PDE4D: variants seen among roughly 807,000 people sequenced by gnomAD.
The protein encoded by PDE4D is 3',5'-cyclic-AMP phosphodiesterase 4D.
Under a neutral mutation model 87.4 loss-of-function variants are expected in PDE4D, and 24 were observed. The ratio of observed to expected loss-of-function variants is 0.27; its 90% CI spans 0.20 to 0.39. The LOEUF is 0.39. PDE4D is among the 10% of genes least tolerant of loss of function. The pLI is 1.00. For synonymous variants in PDE4D, 384 were observed against 383.2 expected, an observed-to-expected ratio of 1.00 and a Z score of -0.02; for missense variants, 714 against 1,041.0, an observed-to-expected ratio of 0.69 and a Z score of 4.32.
At position 59,000,004 on chromosome 5, in the gene PDE4D, C is replaced by T. The variant is rs573559659; in HGVS notation, c.922-6539G>A. The T allele has an allele frequency of 3.3e-5, 24 of 737,200 alleles. No homozygotes were observed. The Admixed American group carries it at 5.0e-4, about 15-fold the overall frequency. 45.7% of individuals were successfully genotyped at this position (737,200 alleles called of 1,614,324 possible). ...CAACTCTGCACCAATTGCATTCCAG[C>T]TCTTAGCCTATAAGGCGAGGGGGTG... On this transcript the variant is annotated intron_variant, in intron 6 of 14. Transcript: ENST00000340635.
intron 1 of PDE4D, chr5:60,460,476 G>C: frequency 1.3e-6 from 2 of 1,528,712 alleles, no homozygotes; most frequent in Admixed American, 1.7e-5. Context: ...GGATTTTGGC[G>C]ATCAATTCTG....
chr5:59,635,677 T>C (rs1490816455), intron 1 of PDE4D, among the ~76,000 whole-genome samples: 1 of 152,152 alleles, frequency 6.6e-6, no homozygotes, highest in Non-Finnish European at 1.5e-5. Context: ...AGGCCTTCGA[T>C]AAAATTCAAC....
intron 1 of PDE4D, among the ~76,000 whole-genome samples, chr5:60,206,138 C>T (rs995336614): frequency 3.3e-5 from 5 of 152,178 alleles, no homozygotes; most frequent in African/African-American, 4.8e-5. Flanking sequence ...GGCACTTTGA[C>T]TTATCTCATC....
At chr5:60,039,901 C>T (rs186853191) in intron 2 of PDE4D, among the ~76,000 whole-genome samples, 19 of 152,306 alleles carry the variant, frequency 1.2e-4, no homozygotes, top group Admixed American at 7.2e-4. Context: ...AATGGCTGCC[C>T]AGGCTTCCCC....
intron 2 of PDE4D, among the ~76,000 whole-genome samples, chr5:60,109,655 T>C (rs1402366910): frequency 6.6e-6 from 1 of 152,182 alleles, no homozygotes; most frequent in Non-Finnish European, 1.5e-5. Flanking sequence ...ATGTGGCACA[T>C]ATACACCATG....
chr5:59,901,820 TG>T (rs1752292440), intron 3 of PDE4D, among the ~76,000 whole-genome samples: 1 of 151,878 alleles, frequency 6.6e-6, no homozygotes, highest in African/African-American at 2.4e-5. Context: ...ATACTGCTGG[TG>T]GTAAAACAAT....
intron 1 of PDE4D, among the ~76,000 whole-genome samples, chr5:60,449,053 A>AC (rs902380917): frequency 5.6e-5 from 3 of 53,850 alleles, no homozygotes; most frequent in African/African-American, 8.0e-5. Context: ...CCCTTCACCC[A>AC]CCCCCCCAAC....
At chr5:59,143,142 ATCCCTTCCTCCT>A (rs1362030510) in intron 5 of PDE4D, among the ~76,000 whole-genome samples, 3 of 136,522 alleles carry the variant, frequency 2.2e-5, no homozygotes, top group Non-Finnish European at 3.1e-5. Context: ...TCCTGCCTCC[ATCCCTTCCTCCT>A]TCCCTTCCTC....
chr5:59,363,760 C>A (rs564177979), intron 1 of PDE4D, among the ~76,000 whole-genome samples: 2 of 152,294 alleles, frequency 1.3e-5, no homozygotes, highest in South Asian at 4.1e-4. Flanking sequence ...TCCATTGTGG[C>A]TGGCTTACCT....
At chr5:60,406,118 A>T (rs1741508965) in intron 1 of PDE4D, among the ~76,000 whole-genome samples, 1 of 152,154 alleles carries the variant, frequency 6.6e-6, no homozygotes, top group Admixed American at 6.5e-5. Context: ...TTCCTGCTAA[A>T]TCAAAACAAC....
At chr5:59,083,968 A>T (rs564529459) in intron 5 of PDE4D, among the ~76,000 whole-genome samples, 11 of 152,120 alleles carry the variant, frequency 7.2e-5, no homozygotes, top group Non-Finnish European at 1.5e-4. Flanking sequence ...ATGCAATTTC[A>T]ATCAAAATCT....
chr5:59,643,443 C>T (rs184486138), intron 1 of PDE4D, among the ~76,000 whole-genome samples: 58 of 152,200 alleles, frequency 3.8e-4, no homozygotes, highest in Non-Finnish European at 1.5e-4. Context: ...GACAAAGACA[C>T]GAGGAAACTT....
At chr5:59,342,625 G>A (rs950184855) in intron 1 of PDE4D, among the ~76,000 whole-genome samples, 1 of 152,104 alleles carries the variant, frequency 6.6e-6, no homozygotes, top group Non-Finnish European at 1.5e-5. Context: ...TAAACCAGCT[G>A]AATCAACTGG....
chr5:59,703,462 A>C, intron 1 of PDE4D: 1 of 471,342 alleles, frequency 2.1e-6, no homozygotes, highest in Non-Finnish European at 4.3e-6. Context: ...AGAACAGATA[A>C]TACATATGTA....
At chr5:59,978,009 GAA>G (rs999842652) in intron 3 of PDE4D, among the ~76,000 whole-genome samples, 1 of 152,078 alleles carries the variant, frequency 6.6e-6, no homozygotes, top group Admixed American at 6.6e-5. Context: ...ATACTGCTCA[GAA>G]AAAAAGATTC....
chr5:60,445,381 GGATA>G (rs766977781), intron 1 of PDE4D, among the ~76,000 whole-genome samples: 9 of 151,940 alleles, frequency 5.9e-5, no homozygotes, highest in Admixed American at 6.6e-5. Context: ...AAAAAGCAAA[GGATA>G]GATTATTCAA....
At chr5:59,771,139 A>ATAAT (rs1763393577) in intron 1 of PDE4D, among the ~76,000 whole-genome samples, 1 of 150,510 alleles carries the variant, frequency 6.6e-6, no homozygotes, top group African/African-American at 2.4e-5. Context: ...CTCAAAATAA[A>ATAAT]TAAATAAATA....
intron 1 of PDE4D, among the ~76,000 whole-genome samples, chr5:59,634,687 A>G (rs568559309): frequency 3.1e-4 from 47 of 152,350 alleles, no homozygotes; most frequent in African/African-American, 9.9e-4. Flanking sequence ...TTTGAAACTA[A>G]TAAGAACAAA....
At chr5:59,707,810 T>C (rs1160826924) in intron 1 of PDE4D, among the ~76,000 whole-genome samples, 1 of 152,176 alleles carries the variant, frequency 6.6e-6, no homozygotes, top group East Asian at 1.9e-4. Flanking sequence ...TATGGCTGCA[T>C]GGTATCCCAT....
Sources: gnomAD v4.1 joint callset for allele counts (sites outside exome capture counted in the v4.1 genomes callset) on GRCh38, gnomAD v4.1.1 for gene constraint, MANE v1.5 for transcripts, NCBI Gene and HGNC (gene_info 2026-07-23, HGNC 2026-07-21) for gene names.